Variants in NEGR1 observed in about 807,000 individuals in gnomAD.
NEGR1 encodes IgLON family member 4.
A neutral mutation model predicts 40.9 loss-of-function variants in NEGR1; 10 were observed. That is an observed-to-expected ratio of 0.24 (90% CI 0.15 to 0.42). NEGR1 has a LOEUF of 0.42. Ranked by LOEUF, NEGR1 falls within the 10% of genes least tolerant of loss-of-function variation. NEGR1 has a pLI of 1.00. For synonymous variants in NEGR1, 185 were observed against 166.8 expected (o/e 1.11, Z -0.84); for missense variants, 352 against 438.9 (o/e 0.80, Z 1.77).
chr1:71,796,701 T>C (rs1359141207), intron 2 of NEGR1, among the ~76,000 whole-genome samples: 1 of 152,176 alleles, frequency 6.6e-6, no homozygotes, highest in Non-Finnish European at 1.5e-5. Flanking sequence ...CATCTACAGG[T>C]ATTATGCTCC....
chr1:72,010,528 AG>A (rs1356371467), intron 1 of NEGR1, among the ~76,000 whole-genome samples: 2 of 152,162 alleles, frequency 1.3e-5, no homozygotes, highest in Non-Finnish European at 2.9e-5. Flanking sequence ...CCTTATGTGC[AG>A]TATACAACTC....
At chr1:71,983,175 G>A (rs1316081194) in intron 1 of NEGR1, among the ~76,000 whole-genome samples, 1 of 152,116 alleles carries the variant, frequency 6.6e-6, no homozygotes, top group Non-Finnish European at 1.5e-5. Flanking sequence ...TTGCCTGTTT[G>A]TTGTGGGTGA....
intron 3 of NEGR1, among the ~76,000 whole-genome samples, chr1:71,766,529 C>T (rs1397408761): frequency 6.6e-6 from 1 of 152,156 alleles, no homozygotes; most frequent in Non-Finnish European, 1.5e-5. Flanking sequence ...TAATAAAAAC[C>T]ACCAGGCTAA....
chr1:71,864,844 C>A (rs1001365995), intron 2 of NEGR1, among the ~76,000 whole-genome samples: 1 of 152,072 alleles, frequency 6.6e-6, no homozygotes, highest in African/African-American at 2.4e-5. Flanking sequence ...ATTATTTATA[C>A]AATGCTGTAG....
chr1:72,167,517 T>C (rs1651811192), intron 1 of NEGR1, among the ~76,000 whole-genome samples: 1 of 152,128 alleles, frequency 6.6e-6, no homozygotes, highest in South Asian at 2.1e-4. Flanking sequence ...TATAGTGTTA[T>C]ATAACATATG....
intron 1 of NEGR1, among the ~76,000 whole-genome samples, chr1:72,050,360 A>G (rs1647047356): frequency 6.6e-6 from 1 of 151,516 alleles, no homozygotes; most frequent in Admixed American, 6.6e-5. Context: ...GGGAACAGCA[A>G]TTATAAAATT....
intron 1 of NEGR1, among the ~76,000 whole-genome samples, chr1:72,049,851 C>G (rs2630387): frequency 0.98 from 148,070 of 151,626 alleles, 72,409 homozygotes; most frequent in Middle Eastern, 1. Flanking sequence ...CAGCAAAATG[C>G]TGGAAACTTT....
At chr1:72,107,861 A>C (rs566836121) in intron 1 of NEGR1, among the ~76,000 whole-genome samples, 17 of 151,630 alleles carry the variant, frequency 1.1e-4, no homozygotes, top group African/African-American at 4.1e-4. Context: ...GGGTATATAC[A>C]TATAACCACT....
chr1:71,438,412 T>A (rs1207403772), intron 6 of NEGR1, among the ~76,000 whole-genome samples: 1 of 152,228 alleles, frequency 6.6e-6, no homozygotes, highest in African/African-American at 2.4e-5. Flanking sequence ...TCATTTTTTT[T>A]GTATGTCGTG....
rs1174338715 is a variant in NEGR1, at chr1:72,185,494, C to A, written c.176+96825G>T. Reference sequence around the variant, plus strand: ...TCTGAAAATTGAGAAACAATAAGGGCTGCCTTTTCCCAGGAGAGCTGTAGA... The same window carrying A: ...TCTGAAAATTGAGAAACAATAAGGGATGCCTTTTCCCAGGAGAGCTGTAGA... On this transcript the variant is annotated intron_variant, in intron 1 of 6. Transcript: ENST00000357731. Among the ~76,000 whole-genome samples the A allele has an allele frequency of 4.3e-4, 66 of 151,812 alleles. 1 individual carries two copies. Among genetic ancestry groups the A allele is most frequent in the Non-Finnish European group, 2.9e-5 (2 of 67,840 alleles).
intron 4 of NEGR1, among the ~76,000 whole-genome samples, chr1:71,674,849 T>G (rs1385179697): frequency 1.3e-5 from 2 of 151,898 alleles, no homozygotes; most frequent in African/African-American, 4.8e-5. Context: ...TTACTTTTTT[T>G]CTTTCATAGC....
chr1:71,837,632 C>G (rs961191007), intron 2 of NEGR1, among the ~76,000 whole-genome samples: 1 of 152,026 alleles, frequency 6.6e-6, no homozygotes, highest in African/African-American at 2.4e-5. Context: ...TCTATCTACC[C>G]TATAATAAGT....
chr1:71,936,752 G>T (rs990199115), intron 1 of NEGR1, among the ~76,000 whole-genome samples: 1 of 152,106 alleles, frequency 6.6e-6, no homozygotes, highest in Admixed American at 6.5e-5. Flanking sequence ...GGTCAAATTT[G>T]CAGCCATTTA....
At chr1:71,756,101 TATTG>T (rs1180865640) in intron 3 of NEGR1, among the ~76,000 whole-genome samples, 1 of 152,128 alleles carries the variant, frequency 6.6e-6, no homozygotes, top group Non-Finnish European at 1.5e-5. Flanking sequence ...CAAGAAGACT[TATTG>T]ATCACTCCAG....
At chr1:71,559,259 A>G (rs1648363353) in intron 6 of NEGR1, among the ~76,000 whole-genome samples, 1 of 151,424 alleles carries the variant, frequency 6.6e-6, no homozygotes, top group South Asian at 2.1e-4. Flanking sequence ...TTAGTTTCAG[A>G]ACTGTAACAC....
At chr1:71,780,753 T>A (rs934002443) in intron 2 of NEGR1, among the ~76,000 whole-genome samples, 2 of 152,230 alleles carry the variant, frequency 1.3e-5, no homozygotes, top group African/African-American at 4.8e-5. Context: ...AGTGAGGAGA[T>A]AATGCGTATT....
chr1:71,829,345 C>A (rs961812234), intron 2 of NEGR1, among the ~76,000 whole-genome samples: 9 of 151,842 alleles, frequency 5.9e-5, no homozygotes, highest in Admixed American at 5.3e-4. Flanking sequence ...AATTATGTTC[C>A]ATTCCCAGCA....
chr1:72,141,966 T>TA (rs142885695), intron 1 of NEGR1, among the ~76,000 whole-genome samples: 34,233 of 151,640 alleles, frequency 0.23, 4,433 homozygotes, highest in South Asian at 0.3. Flanking sequence ...AGCATGATAA[T>TA]AAAAAAGTCA....
intron 1 of NEGR1, among the ~76,000 whole-genome samples, chr1:72,040,139 T>C (rs1646938800): frequency 6.6e-6 from 1 of 152,008 alleles, no homozygotes; most frequent in South Asian, 2.1e-4. Flanking sequence ...TGTACATGAT[T>C]CTCTAGTATG....
Sources: allele counts gnomAD v4.1 joint callset (sites outside exome capture counted in the v4.1 genomes callset), GRCh38; gene constraint gnomAD v4.1.1; transcripts MANE v1.5; gene names NCBI Gene and HGNC (gene_info 2026-07-23, HGNC 2026-07-21).